Variants in VOPP1 observed in about 807,000 individuals in gnomAD.
The protein encoded by VOPP1 is WW domain binding protein VOPP1.
VOPP1 carries 8 observed loss-of-function variants against 23.5 expected under a neutral mutation model. That is an observed-to-expected ratio of 0.34 (90% confidence interval 0.20 to 0.61). The LOEUF is 0.61. Among genes scored for constraint, VOPP1 ranks in the 20% least tolerant of loss-of-function variants. The pLI is 0.78. For missense variants in VOPP1, 174 were observed against 238.1 expected, an observed-to-expected ratio of 0.73 and a Z score of 1.77; for synonymous variants, 83 against 97.3, an observed-to-expected ratio of 0.85 and a Z score of 0.86.
chr7:55,493,045 C>T (rs897617399), intron 3 of VOPP1: 5 of 152,142 alleles, frequency 3.3e-5, no homozygotes, highest in Admixed American at 6.5e-5. Context: ...AAATAAAATA[C>T]AAACAATAAC....
intron 1 of VOPP1, among the ~76,000 whole-genome samples, chr7:55,535,610 C>G (rs1386404693): frequency 6.6e-6 from 1 of 152,250 alleles, no homozygotes; most frequent in Non-Finnish European, 1.5e-5. Context: ...GAGTTTCCAC[C>G]AACGGAGCCT....
intron 1 of VOPP1, chr7:55,552,551 C>T: frequency 6.6e-7 from 1 of 1,524,320 alleles, no homozygotes. Context: ...CATGATTTTC[C>T]CAGGGTGACA....
At chr7:55,558,424 C>T (rs1416281644) in intron 1 of VOPP1, among the ~76,000 whole-genome samples, 1 of 152,204 alleles carries the variant, frequency 6.6e-6, no homozygotes, top group South Asian at 2.1e-4. Context: ...TTAATATGTT[C>T]CTTAAACTTC....
At chr7:55,457,405 T>A (rs191975203) in intron 4 of VOPP1, among the ~76,000 whole-genome samples, 6 of 152,338 alleles carry the variant, frequency 3.9e-5, no homozygotes, top group Admixed American at 1.3e-4. Context: ...TTGGCTATTG[T>A]GAATAGTGCT....
intron 4 of VOPP1, among the ~76,000 whole-genome samples, chr7:55,441,249 G>A (rs1790957359): frequency 6.6e-6 from 1 of 152,302 alleles, no homozygotes; most frequent in South Asian, 2.1e-4. Flanking sequence ...AGGGAAGGGG[G>A]AGGAAGTGGG....
intron 1 of VOPP1, among the ~76,000 whole-genome samples, chr7:55,530,187 G>C (rs1796420801): frequency 6.6e-6 from 1 of 152,118 alleles, no homozygotes; most frequent in South Asian, 2.1e-4. Context: ...TTCCAAGGCA[G>C]CTGCACTACT....
chr7:55,546,597 T>A (rs914131495), intron 1 of VOPP1, among the ~76,000 whole-genome samples: 2 of 152,250 alleles, frequency 1.3e-5, no homozygotes, highest in Non-Finnish European at 2.9e-5. Flanking sequence ...AACTGGGTTA[T>A]ACAGCAACTC....
intron 1 of VOPP1, among the ~76,000 whole-genome samples, chr7:55,571,174 G>T (rs1053622186): frequency 2.6e-5 from 4 of 152,128 alleles, no homozygotes; most frequent in Non-Finnish European, 5.9e-5. Context: ...AAGCTACGGG[G>T]ATATTTCCGA....
chr7:55,452,404 T>G (rs577736546), intron 4 of VOPP1, among the ~76,000 whole-genome samples: 1 of 152,332 alleles, frequency 6.6e-6, no homozygotes, highest in South Asian at 2.1e-4. Flanking sequence ...AATCAACTTC[T>G]CCCAAGCTCC....
chr7:55,467,883 G>C (rs556471581), downstream of VOPP1, among the ~76,000 whole-genome samples: 1 of 152,306 alleles, frequency 6.6e-6, no homozygotes, highest in African/African-American at 2.4e-5. Context: ...TAAAACTGAT[G>C]GCAGGATTCC....
chr7:55,528,320 T>C (rs1032974008), intron 1 of VOPP1, among the ~76,000 whole-genome samples: 1 of 152,240 alleles, frequency 6.6e-6, no homozygotes, highest in African/African-American at 2.4e-5. Flanking sequence ...TATGTTTCAG[T>C]TGGTACTAGA....
At chr7:55,454,320 C>A (rs1005439321) in intron 4 of VOPP1, among the ~76,000 whole-genome samples, 10 of 152,110 alleles carry the variant, frequency 6.6e-5, no homozygotes, top group African/African-American at 2.2e-4. Flanking sequence ...GCCTACCAAC[C>A]AATGAAAGTC....
chr7:55,512,662 T>C (rs11771066), intron 2 of VOPP1, among the ~76,000 whole-genome samples: 25,032 of 152,226 alleles, frequency 0.16, 2,177 homozygotes, highest in Middle Eastern at 0.23. Context: ...GGCAAAATAG[T>C]GAGGGTCTGC....
At chr7:55,436,585 T>C (rs1790827330) in intron 4 of VOPP1, among the ~76,000 whole-genome samples, 1 of 150,046 alleles carries the variant, frequency 6.7e-6, no homozygotes, top group Non-Finnish European at 1.5e-5. Context: ...GCCCTGGGCT[T>C]TCAGACAATT....
rs1349514977 is a variant in VOPP1 at position 55,471,175 on chromosome 7, A to C, written c.*1680T>G. ...CAGTTGTCTTGGTTGTAAACAGTGA[A>C]CATTGTGCTTTGTTGTCTCATTTAG... On this transcript the variant is annotated 3_prime_UTR_variant, in exon 5 of 5. Transcript: ENST00000285279. The C allele has an allele frequency of 6.7e-6, 1 of 148,562 alleles. No homozygotes were observed. The highest frequency in any genetic ancestry group is 1.5e-5 in the Non-Finnish European group (1 of 67,334). The allele number at this position is 148,562 out of a possible 1,614,324, so 9.2% of individuals were successfully genotyped here.
At chr7:55,561,126 G>T (rs902824559) in intron 1 of VOPP1, among the ~76,000 whole-genome samples, 21 of 151,988 alleles carry the variant, frequency 1.4e-4, no homozygotes, top group Admixed American at 1.1e-3. Context: ...CACCACAACC[G>T]CTGTGCGACC....
chr7:55,460,675 A>C (rs1047712173), intron 4 of VOPP1, among the ~76,000 whole-genome samples: 2 of 152,220 alleles, frequency 1.3e-5, no homozygotes, highest in Non-Finnish European at 2.9e-5. Flanking sequence ...TTACTTTTGT[A>C]CCAATCTAAT....
intron 2 of VOPP1, among the ~76,000 whole-genome samples, chr7:55,500,731 C>T (rs1562931496): frequency 6.6e-6 from 1 of 152,246 alleles, no homozygotes; most frequent in Non-Finnish European, 1.5e-5. Context: ...ATTTTCAAAA[C>T]ATCCACATAC....
chr7:55,469,066 TTA>T (rs1198876491), downstream of VOPP1, among the ~76,000 whole-genome samples: 1 of 152,242 alleles, frequency 6.6e-6, no homozygotes, highest in East Asian at 1.9e-4. Context: ...GGTAGTGGGT[TTA>T]TGAGTGTTCA....
Sources: gnomAD v4.1 joint callset for allele counts (sites outside exome capture counted in the v4.1 genomes callset) on GRCh38, gnomAD v4.1.1 for gene constraint, MANE v1.5 for transcripts, NCBI Gene and HGNC (gene_info 2026-07-23, HGNC 2026-07-21) for gene names.